Variants in MAP7D2 observed in about 807,000 individuals in gnomAD.
MAP7D2 encodes the protein MAP7 domain containing 2.
MAP7D2 carries 33 observed loss-of-function variants against 63.5 expected under a neutral mutation model. That is an observed-to-expected ratio of 0.52 (90% CI 0.39 to 0.70). MAP7D2 has a LOEUF of 0.70. MAP7D2 is among the 30% of genes least tolerant of loss of function. The pLI is 0.00. For missense variants in MAP7D2, 626 were observed against 604.0 expected, an observed-to-expected ratio of 1.04 and a Z score of -0.38; for synonymous variants, 224 against 223.7, an observed-to-expected ratio of 1.00 and a Z score of -0.01.
chrX:20,019,166 C>A (rs757518669), intron 10 of MAP7D2, among the ~76,000 whole-genome samples: 1 of 111,010 alleles, frequency 9.0e-6, no homozygotes, highest in South Asian at 3.8e-4. Flanking sequence ...GCCAGGACCA[C>A]GGGTGAGTGC....
At chrX:20,013,464 T>G (rs1189346471) in intron 13 of MAP7D2, 105 bp downstream of exon 13, 1 of 765,045 alleles carries the variant, frequency 1.3e-6, no homozygotes, top group Non-Finnish European at 1.9e-6. Context: ...AAACTGCATT[T>G]TTTTCTGGCT....
intron 3 of MAP7D2, among the ~76,000 whole-genome samples, chrX:20,060,105 C>T (rs2065171014): frequency 9.1e-6 from 1 of 109,787 alleles, no homozygotes; most frequent in Non-Finnish European, 1.9e-5. Flanking sequence ...CTGCAACCTC[C>T]ACCTCCTAGG....
chrX:20,010,430 T>C (rs1157329350), intron 16 of MAP7D2, among the ~76,000 whole-genome samples: 1 of 111,548 alleles, frequency 9.0e-6, no homozygotes, highest in African/African-American at 3.3e-5. Flanking sequence ...GGGAAATTCA[T>C]CTTATTCATA....
At chrX:20,081,880 C>A (rs766786178) in intron 1 of MAP7D2, among the ~76,000 whole-genome samples, 1 of 111,512 alleles carries the variant, frequency 9.0e-6, no homozygotes, top group African/African-American at 3.3e-5. Context: ...AAACTTCTGA[C>A]CTTAGGTGAT....
At chrX:20,062,201 C>T (rs2065240420) in intron 3 of MAP7D2, among the ~76,000 whole-genome samples, 2 of 112,030 alleles carry the variant, frequency 1.8e-5, no homozygotes, top group South Asian at 7.4e-4. Flanking sequence ...TCTTTTAATT[C>T]CTGTAACTAC....
chrX:20,089,296 G>T (rs5955584), intron 1 of MAP7D2, among the ~76,000 whole-genome samples: 40,265 of 110,907 alleles, frequency 0.36, 8,247 homozygotes, highest in African/African-American at 0.79. Flanking sequence ...GGACTCTGCA[G>T]TCTCTTCTAT....
chrX:20,113,241 T>C (rs1381614147), intron 1 of MAP7D2, among the ~76,000 whole-genome samples: 1 of 111,783 alleles, frequency 8.9e-6, no homozygotes, highest in East Asian at 2.8e-4. Flanking sequence ...CTTGTTCTTC[T>C]TGATCTGAAC....
At position 20,106,141 on chromosome X, in the gene MAP7D2, G is replaced by A. The variant is rs146644191; in HGVS notation, c.130+10609C>T. ...CCCATCTCTTAATGCCATCACAATG[G>A]CAATTTTGACATGAGTTTTGGAATG... On this transcript the variant is annotated intron_variant, in intron 1 of 16. Transcript: ENST00000379643. 4.0e-3 allele frequency among the ~76,000 whole-genome samples: 451 copies of A among 112,238 alleles called. 2 individuals carry two copies. The highest frequency in any genetic ancestry group is 0.014 in the African/African-American group (425 of 30,877).
intron 8 of MAP7D2, among the ~76,000 whole-genome samples, chrX:20,035,260 GCTGAGCAGAGTC>G (rs1294714110): frequency 4.5e-5 from 5 of 111,347 alleles, no homozygotes; most frequent in African/African-American, 1.6e-4. Flanking sequence ...GAGGATGATG[GCTGAGCAGAGTC>G]CTGAGCAGAT....
chrX:20,082,501 C>G (rs4604640), intron 1 of MAP7D2, among the ~76,000 whole-genome samples: 29 of 111,815 alleles, frequency 2.6e-4, no homozygotes, highest in African/African-American at 7.8e-4. Flanking sequence ...GAGTTACCCC[C>G]ATCCTAGGCC....
chrX:20,024,369 GGTGTAGGGAC>G (rs2073765546), intron 10 of MAP7D2, among the ~76,000 whole-genome samples: 1 of 111,611 alleles, frequency 9.0e-6, no homozygotes, highest in Non-Finnish European at 1.9e-5. Flanking sequence ...TGCTCTTCAA[GGTGTAGGGAC>G]CACTGCAATG....
chrX:20,027,854 T>C (rs970569286), intron 8 of MAP7D2, among the ~76,000 whole-genome samples: 19 of 100,862 alleles, frequency 1.9e-4, no homozygotes, highest in Non-Finnish European at 3.6e-4. Flanking sequence ...TAGGTAAGAG[T>C]GGAGCTGTTC....
intron 10 of MAP7D2, among the ~76,000 whole-genome samples, chrX:20,020,466 C>T (rs1297160031): frequency 9.0e-6 from 1 of 111,717 alleles, no homozygotes; most frequent in Non-Finnish European, 1.9e-5. Context: ...CCTCCAAAAT[C>T]TCTTTTCATC....
At chrX:20,076,740 C>T (rs2065653896) in intron 1 of MAP7D2, among the ~76,000 whole-genome samples, 1 of 111,048 alleles carries the variant, frequency 9.0e-6, no homozygotes, top group Non-Finnish European at 1.9e-5. Context: ...CCAAAAAGTC[C>T]TTGAAAAGAA....
In MAP7D2 at chrX:20,059,308, T is replaced by C. The variant is rs781545926; in HGVS notation, c.373-2517A>G. Among the ~76,000 whole-genome samples the C allele has an allele frequency of 8.9e-3, 1,001 of 111,974 alleles. 20 individuals are homozygous for C. Among genetic ancestry groups the C allele is most frequent in the African/African-American group, 0.031 (942 of 30,818 alleles). On this transcript the variant is annotated intron_variant, in intron 3 of 16. Transcript: ENST00000379643. ...TCAATAGGTCTGGGGTGGAGCCTGCTGAGAATCTGCATTTCTAACAAGTTC... is the reference window on the plus strand; with the variant it reads ...TCAATAGGTCTGGGGTGGAGCCTGCCGAGAATCTGCATTTCTAACAAGTTC...
intron 1 of MAP7D2, among the ~76,000 whole-genome samples, chrX:20,089,185 A>G (rs1452790365): frequency 8.9e-6 from 1 of 112,026 alleles, no homozygotes; most frequent in Non-Finnish European, 1.9e-5. Flanking sequence ...CATTTTTTGC[A>G]TATGGATATT....
chrX:20,042,761 G>T, intron 7 of MAP7D2, 132 bp from the exon 8 acceptor site: 1 of 775,958 alleles, frequency 1.3e-6, no homozygotes, highest in Middle Eastern at 4.9e-4. Flanking sequence ...CGCTTCACAT[G>T]ACAGGCATCT....
intron 1 of MAP7D2, among the ~76,000 whole-genome samples, chrX:20,114,372 C>G (rs920386342): frequency 1.1e-4 from 12 of 112,543 alleles, no homozygotes; most frequent in African/African-American, 3.9e-4. Flanking sequence ...GCATGGACAA[C>G]AGAGTGAGAC....
intron 1 of MAP7D2, 75 bp from the exon 2 acceptor site, chrX:20,064,880 G>T (rs2065312263): frequency 1.1e-6 from 1 of 899,669 alleles, no homozygotes; most frequent in African/African-American, 1.9e-5. Context: ...AGGCAACTGG[G>T]CATGGCACCC....
Sources: allele counts gnomAD v4.1 joint callset (sites outside exome capture counted in the v4.1 genomes callset), GRCh38; gene constraint gnomAD v4.1.1; transcripts MANE v1.5; gene names NCBI Gene and HGNC (gene_info 2026-07-23, HGNC 2026-07-21).